The following ASTN1 variants were observed in gnomAD, a reference collection of about 807,000 sequenced individuals.
ASTN1 encodes the protein astrotactin 1, also known as astrotactin-1.
Under a neutral mutation model 140.7 loss-of-function variants are expected in ASTN1, and 41 were observed. The ratio of observed to expected loss-of-function variants is 0.29; its 90% CI spans 0.23 to 0.38. The LOEUF (loss-of-function observed/expected upper bound fraction) is 0.38. ASTN1 is among the 10% of genes least tolerant of loss of function. ASTN1 has a pLI of 1.00. For missense variants in ASTN1, 1,479 were observed against 1,678.8 expected (o/e 0.88, Z 2.08); for synonymous variants, 640 against 652.2 (o/e 0.98, Z 0.29).
At chr1:177,058,712 T>C (rs1281450216) in intron 2 of ASTN1, among the ~76,000 whole-genome samples, 1 of 152,164 alleles carries the variant, frequency 6.6e-6, no homozygotes, top group Non-Finnish European at 1.5e-5. Flanking sequence ...TTCCATTGAT[T>C]TTTGGGGAAC....
At chr1:177,072,825 G>A (rs1299080051) in intron 1 of ASTN1, among the ~76,000 whole-genome samples, 3 of 152,152 alleles carry the variant, frequency 2.0e-5, no homozygotes, top group Non-Finnish European at 2.9e-5. Flanking sequence ...ACACCTACGT[G>A]TGCTGGTCAC....
chr1:177,024,452 A>T, intron 6 of ASTN1, 131 bp downstream of exon 6: 1 of 1,168,854 alleles, frequency 8.6e-7, no homozygotes, highest in Non-Finnish European at 1.2e-6. Context: ...CCTCATCCTT[A>T]CTTATTTCAG....
chr1:176,868,533 C>T (rs1397278864), intron 22 of ASTN1, among the ~76,000 whole-genome samples: 2 of 152,168 alleles, frequency 1.3e-5, no homozygotes, highest in Admixed American at 6.5e-5. Context: ...TTTCACAAGA[C>T]CATGCTTTTG....
At chr1:177,073,368 A>G (rs1479972738) in intron 1 of ASTN1, among the ~76,000 whole-genome samples, 3 of 151,976 alleles carry the variant, frequency 2.0e-5, no homozygotes, top group South Asian at 4.2e-4. Flanking sequence ...CATATAAATC[A>G]TACCTTCAGG....
intron 14 of ASTN1, among the ~76,000 whole-genome samples, chr1:176,942,845 T>TC (rs1671790942): frequency 1.3e-5 from 1 of 78,810 alleles, no homozygotes; most frequent in Non-Finnish European, 2.7e-5. Context: ...TGTATATATA[T>TC]ATATATATAT....
chr1:176,929,035 G>C (rs764925298), intron 16 of ASTN1, among the ~76,000 whole-genome samples: 1 of 152,320 alleles, frequency 6.6e-6, no homozygotes, highest in African/African-American at 2.4e-5. Context: ...GAAGTCTCTA[G>C]GGACCTAAAC....
intron 2 of ASTN1, among the ~76,000 whole-genome samples, chr1:177,058,321 A>G (rs1464491367): frequency 6.6e-6 from 1 of 152,200 alleles, no homozygotes; most frequent in Non-Finnish European, 1.5e-5. Context: ...AAGACAACAC[A>G]AATCTTTTGC....
intron 2 of ASTN1, among the ~76,000 whole-genome samples, chr1:177,038,285 A>G (rs182100559): frequency 2.4e-4 from 36 of 152,324 alleles, no homozygotes; most frequent in Admixed American, 2.0e-3. Flanking sequence ...TCTAACCACA[A>G]GTACATTTAC....
chr1:176,881,247 T>C (rs1442333515), intron 20 of ASTN1, among the ~76,000 whole-genome samples: 1 of 152,174 alleles, frequency 6.6e-6, no homozygotes, highest in Non-Finnish European at 1.5e-5. Context: ...TAAACAGCAT[T>C]CACAGTTCGC....
At chr1:176,870,622 G>A (rs1342284824) in intron 21 of ASTN1, among the ~76,000 whole-genome samples, 1 of 152,076 alleles carries the variant, frequency 6.6e-6, no homozygotes, top group African/African-American at 2.4e-5. Context: ...TTTACTTTGG[G>A]GAAGAGTTTC....
chr1:176,897,253 C>A (rs112011896), intron 16 of ASTN1, among the ~76,000 whole-genome samples: 2 of 121,286 alleles, frequency 1.6e-5, no homozygotes, highest in Admixed American at 2.1e-4. Context: ...CCAGCCTGGG[C>A]TACAGAGCAA....
intron 1 of ASTN1, among the ~76,000 whole-genome samples, chr1:177,077,744 C>T (rs575841026): frequency 1.3e-5 from 2 of 152,290 alleles, no homozygotes; most frequent in African/African-American, 4.8e-5. Context: ...TGACTGTCAA[C>T]TGCCCTCTCT....
chr1:177,150,779 G>C (rs1456570474), intron 1 of ASTN1, among the ~76,000 whole-genome samples: 1 of 152,086 alleles, frequency 6.6e-6, no homozygotes, highest in Middle Eastern at 3.2e-3. Flanking sequence ...TACTTCAGGG[G>C]TTGGCAAAAT....
At chr1:177,021,608 A>C (rs1675828639) in intron 7 of ASTN1, among the ~76,000 whole-genome samples, 2 of 152,182 alleles carry the variant, frequency 1.3e-5, no homozygotes, top group Non-Finnish European at 2.9e-5. Flanking sequence ...CTTCTTAAGG[A>C]ATTCAAATGT....
At chr1:177,156,297 A>T (rs2102257619) in intron 1 of ASTN1, among the ~76,000 whole-genome samples, 1 of 151,888 alleles carries the variant, frequency 6.6e-6, no homozygotes, top group Middle Eastern at 3.4e-3. Flanking sequence ...AAAACCCAAC[A>T]ACACCATATG....
At chr1:177,037,324 T>C (rs1488603671) in intron 2 of ASTN1, among the ~76,000 whole-genome samples, 1 of 152,160 alleles carries the variant, frequency 6.6e-6, no homozygotes, top group Non-Finnish European at 1.5e-5. Flanking sequence ...GATGCACATA[T>C]CTCACACAGC....
At chr1:177,092,810 T>C (rs1007940768) in intron 1 of ASTN1, among the ~76,000 whole-genome samples, 2 of 152,186 alleles carry the variant, frequency 1.3e-5, no homozygotes, top group South Asian at 4.1e-4. Context: ...AAATGAATTG[T>C]CTGTAAATAT....
intron 16 of ASTN1, among the ~76,000 whole-genome samples, chr1:176,906,006 C>T (rs998639786): frequency 3.3e-5 from 5 of 152,054 alleles, no homozygotes; most frequent in South Asian, 2.1e-4. Context: ...GCCACTAGGC[C>T]GAGGGATGGA....
At chr1:176,881,186 G>A (rs959648670) in intron 20 of ASTN1, among the ~76,000 whole-genome samples, 1 of 152,146 alleles carries the variant, frequency 6.6e-6, no homozygotes, top group African/African-American at 2.4e-5. Context: ...GCCACCTGGT[G>A]GAGATTTGCT....
Sources: allele counts gnomAD v4.1 joint callset (sites outside exome capture counted in the v4.1 genomes callset), GRCh38; gene constraint gnomAD v4.1.1; transcripts MANE v1.5; gene names NCBI Gene and HGNC (gene_info 2026-07-23, HGNC 2026-07-21).